The following ADCY9 variants were observed in gnomAD, a reference collection of about 807,000 sequenced individuals.
ADCY9 encodes the protein adenylate cyclase 9.
A neutral mutation model predicts 101.5 loss-of-function variants in ADCY9; 50 were observed. The observed-to-expected ratio is 0.49, with a 90% CI of 0.39 to 0.62. The LOEUF (loss-of-function observed/expected upper bound fraction) is 0.62, where lower values mean the gene tolerates loss of function less well. ADCY9 is among the 20% of genes least tolerant of loss of function. ADCY9 has a pLI of 0.00. For synonymous variants in ADCY9, 905 were observed against 769.3 expected, an observed-to-expected ratio of 1.18 and a Z score of -2.92; for missense variants, 1,662 against 1,800.4, an observed-to-expected ratio of 0.92 and a Z score of 1.39.
chr16:3,978,594 G>T (rs1222225391), intron 8 of ADCY9, among the ~76,000 whole-genome samples: 1 of 152,238 alleles, frequency 6.6e-6, no homozygotes, highest in East Asian at 1.9e-4. Context: ...GCCCACCGGG[G>T]ACTCCCCAGC....
chr16:4,070,408 T>C (rs1014534305), intron 2 of ADCY9, among the ~76,000 whole-genome samples: 1 of 152,188 alleles, frequency 6.6e-6, no homozygotes, highest in Non-Finnish European at 1.5e-5. Flanking sequence ...TGGATGAAAG[T>C]TTCAAATAAT....
intron 2 of ADCY9, among the ~76,000 whole-genome samples, chr16:4,088,217 G>A (rs774825625): frequency 2.6e-5 from 4 of 151,916 alleles, no homozygotes; most frequent in African/African-American, 4.8e-5. Context: ...TTTATACATC[G>A]GTCTCATGGT....
intron 2 of ADCY9, among the ~76,000 whole-genome samples, chr16:4,058,427 T>C (rs969845891): frequency 1.4e-5 from 2 of 147,666 alleles, no homozygotes; most frequent in Non-Finnish European, 3.0e-5. Flanking sequence ...ATCGCCCCAC[T>C]GCACTCCAGC....
Position 3,965,693 on chromosome 16 carries a change from C to T in ADCY9, c.*82G>A, listed in dbSNP as rs546868835. ...CCACGTCCGGGGAGGGCAACTGTGG[C>T]GCTTGGAAAGCACAACAGCCAAATA... On this transcript the variant is annotated 3_prime_UTR_variant, in exon 11 of 11. Coordinates refer to ENST00000294016, the MANE Select transcript of ADCY9 (RefSeq NM_001116.4). The T allele has an allele frequency of 9.8e-5, 132 of 1,345,672 alleles. No individual in the cohort carries two copies. The highest frequency in any genetic ancestry group is 4.4e-4 in the Admixed American group (21 of 48,246). 83.4% of individuals were successfully genotyped at this position (1,345,672 alleles called of 1,614,324 possible).
chr16:4,113,173 A>T (rs12446547), intron 2 of ADCY9, among the ~76,000 whole-genome samples: 51,773 of 146,948 alleles, frequency 0.35, 9,054 homozygotes, highest in Non-Finnish European at 0.41. Context: ...AACTTTTTTT[A>T]AAAAAAAAAA....
Position 3,992,313 on chromosome 16 carries a change from G to C in ADCY9, c.2040C>G (p.Pro680=). 3.1e-6 allele frequency: 5 copies of C among 1,614,138 alleles called. No homozygotes were observed. The South Asian group carries it at 3.3e-5, about 11-fold the overall frequency. ...PKTQNGLLSP[P]QEEKLTNSQT... ...GACTGTTGGTGAGCTTCTCCTCTTG[G>C]GGAGGGCTGAGGAGCCCGTTCTGAG... is the stretch of plus-strand genomic sequence containing the variant. The change falls in exon 5 of 11, where the codon CCC becomes CCG. Residue 680 remains proline (P), a synonymous_variant. Transcript: ENST00000294016. This position sits in a 1 kb window ranked among gnomAD's most constrained non-coding sequence, Gnocchi z 4.2.
At chr16:4,054,718 C>A (rs1308703974) in intron 2 of ADCY9, among the ~76,000 whole-genome samples, 2 of 151,948 alleles carry the variant, frequency 1.3e-5, no homozygotes, top group Non-Finnish European at 2.9e-5. Flanking sequence ...CTACAGGTGC[C>A]CGCCACCATG....
At chr16:4,032,352 T>C (rs570870616) in intron 2 of ADCY9, among the ~76,000 whole-genome samples, 6 of 151,236 alleles carry the variant, frequency 4.0e-5, no homozygotes, top group Admixed American at 3.3e-4. Flanking sequence ...CCACCAGGAA[T>C]GGCAAGATCT....
chr16:4,108,352 G>A (rs1472364852), intron 2 of ADCY9, among the ~76,000 whole-genome samples: 2 of 107,060 alleles, frequency 1.9e-5, no homozygotes, highest in Admixed American at 2.2e-4. Context: ...TAATCAGACC[G>A]TTTCTTCATT....
At chr16:3,983,569 C>G in intron 6 of ADCY9, 129 bp from the exon 7 acceptor site, 1 of 753,396 alleles carries the variant, frequency 1.3e-6, no homozygotes. Flanking sequence ...CAGGAAGGCT[C>G]TCGGAGGGCT....
At chr16:3,972,468 G>T (rs546995347) in intron 10 of ADCY9, among the ~76,000 whole-genome samples, 46 of 152,072 alleles carry the variant, frequency 3.0e-4, no homozygotes, top group Non-Finnish European at 5.0e-4. Context: ...CCTGACCTCA[G>T]GTGATCCACC....
intron 10 of ADCY9, among the ~76,000 whole-genome samples, chr16:3,973,636 T>A (rs555746044): frequency 9.2e-5 from 14 of 152,028 alleles, no homozygotes; most frequent in African/African-American, 3.4e-4. Context: ...GGACTACAGG[T>A]GCATACCACC....
At chr16:4,085,330 C>T (rs987759843) in intron 2 of ADCY9, among the ~76,000 whole-genome samples, 18 of 152,114 alleles carry the variant, frequency 1.2e-4, no homozygotes, top group Non-Finnish European at 2.2e-4. Context: ...CCACTGCACT[C>T]CAGCCTGGGC....
intron 2 of ADCY9, among the ~76,000 whole-genome samples, chr16:4,014,714 C>T (rs573896982): frequency 6.6e-6 from 1 of 152,118 alleles, no homozygotes; most frequent in Non-Finnish European, 1.5e-5. Context: ...TCCCAAAGTG[C>T]TGGGATTAAA....
intron 2 of ADCY9, among the ~76,000 whole-genome samples, chr16:4,023,863 T>C (rs2056495231): frequency 6.6e-6 from 1 of 151,552 alleles, no homozygotes; most frequent in African/African-American, 2.4e-5. Context: ...TGGGCCGAGA[T>C]TACGCCACTG....
chr16:4,033,231 T>A (rs2056567934), intron 2 of ADCY9, among the ~76,000 whole-genome samples: 1 of 152,202 alleles, frequency 6.6e-6, no homozygotes. Flanking sequence ...CTAAATTCTT[T>A]TCTCTTGCTG....
At chr16:4,004,236 G>A (rs927258808) in intron 3 of ADCY9, among the ~76,000 whole-genome samples, 8 of 128,382 alleles carry the variant, frequency 6.2e-5, no homozygotes, top group Non-Finnish European at 1.1e-4. Context: ...GCAACAGAGC[G>A]AGATCCCATC....
chr16:3,969,569 A>AATACATATATATAT lies in ADCY9; in HGVS notation c.2871-2604_2871-2603insATATATATATGTAT, dbSNP rs1451993942. Among the ~76,000 whole-genome samples, 117 of 45,238 alleles carry AATACATATATATAT rather than the reference A, an allele frequency of 2.6e-3. 2 individuals carry two copies. The highest frequency in any genetic ancestry group is 4.5e-3 in the Non-Finnish European group (102 of 22,772). The allele number at this position is 45,238 out of a possible 152,430, so 29.7% of individuals were successfully genotyped here. A position where few individuals can be genotyped will look rare whatever the true frequency, so the allele number is the denominator to read the frequency against. On this transcript the variant is annotated intron_variant, in intron 10 of 10. Coordinates refer to ENST00000294016, the MANE Select transcript of ADCY9 (RefSeq NM_001116.4). ...GCACAATTTCTTAAAGTTTGTTTGA[A>AATACATATATATAT]ATATATATATATATATATATATATA... is the stretch of plus-strand genomic sequence containing the variant.
chr16:3,988,781 C>T (rs534015906), intron 6 of ADCY9, among the ~76,000 whole-genome samples: 4 of 152,300 alleles, frequency 2.6e-5, no homozygotes, highest in South Asian at 2.1e-4. Flanking sequence ...GGCGAGGCTG[C>T]GCTTTAAGAC....
Sources: allele counts gnomAD v4.1 joint callset (sites outside exome capture counted in the v4.1 genomes callset), GRCh38; gene constraint gnomAD v4.1.1; non-coding constraint Gnocchi (gnomAD v3.1); transcripts MANE v1.5; gene names NCBI Gene and HGNC (gene_info 2026-07-23, HGNC 2026-07-21).